Variants in ARHGEF7 observed in about 807,000 individuals in gnomAD.
ARHGEF7 encodes Rho guanine nucleotide exchange factor 7, also known as PAK-interacting exchange factor beta.
A neutral mutation model predicts 109.8 loss-of-function variants in ARHGEF7; 33 were observed. That is an observed-to-expected ratio of 0.30 (90% CI 0.23 to 0.40). ARHGEF7 has a LOEUF of 0.40. ARHGEF7 is among the 10% of genes least tolerant of loss of function. ARHGEF7 has a pLI of 1.00. For synonymous variants in ARHGEF7, 458 were observed against 424.6 expected (o/e 1.08, Z -0.97); for missense variants, 938 against 1,098.5 (o/e 0.85, Z 2.07).
chr13:111,177,027 G>T (rs1324294319), intron 2 of ARHGEF7, among the ~76,000 whole-genome samples: 2 of 152,238 alleles, frequency 1.3e-5, no homozygotes, highest in African/African-American at 4.8e-5. Context: ...AGAGTGCTGG[G>T]ATTACAGGCG....
intron 8 of ARHGEF7, among the ~76,000 whole-genome samples, chr13:111,248,101 T>A (rs994590933): frequency 2.6e-5 from 4 of 152,208 alleles, no homozygotes; most frequent in African/African-American, 9.6e-5. Flanking sequence ...ACAAACATGA[T>A]CTTGGATTTT....
At chr13:111,176,102 G>A (rs1308931631) in intron 2 of ARHGEF7, among the ~76,000 whole-genome samples, 1 of 152,138 alleles carries the variant, frequency 6.6e-6, no homozygotes, top group Non-Finnish European at 1.5e-5. Context: ...GAGTTGGTTG[G>A]GGACACAGCC....
chr13:111,211,971 AG>A (rs1164158131), intron 4 of ARHGEF7, among the ~76,000 whole-genome samples: 1 of 152,160 alleles, frequency 6.6e-6, no homozygotes, highest in Admixed American at 6.5e-5. Context: ...CCCCCAGGCG[AG>A]GATCTGTGTT....
At chr13:111,217,601 TA>T in intron 4 of ARHGEF7, 77 bp from the exon 5 acceptor site, 1 of 1,320,510 alleles carries the variant, frequency 7.6e-7, no homozygotes, top group Non-Finnish European at 1.1e-6. Context: ...ACCTTTGTAC[TA>T]GTAAAGTATA....
At chr13:111,160,107 C>T (rs1474718560) in intron 2 of ARHGEF7, among the ~76,000 whole-genome samples, 2 of 152,196 alleles carry the variant, frequency 1.3e-5, no homozygotes, top group Non-Finnish European at 2.9e-5. Context: ...ATGTTGAAGA[C>T]TGTCCTTTTC....
At chr13:111,202,508 CTTCCT>C (rs1326249042) in intron 2 of ARHGEF7, among the ~76,000 whole-genome samples, 2 of 152,192 alleles carry the variant, frequency 1.3e-5, no homozygotes, top group Non-Finnish European at 2.9e-5. Flanking sequence ...ATGGTTTGTA[CTTCCT>C]TCCCTCCTGC....
At chr13:111,244,399 T>G in intron 8 of ARHGEF7, 105 bp downstream of exon 8, 1 of 691,818 alleles carries the variant, frequency 1.4e-6, no homozygotes, top group East Asian at 2.9e-5. Flanking sequence ...AGATGCAAAC[T>G]TAAGTTATTT....
intron 2 of ARHGEF7, among the ~76,000 whole-genome samples, chr13:111,157,295 T>A (rs1420139739): frequency 6.6e-6 from 1 of 152,100 alleles, no homozygotes; most frequent in African/African-American, 2.4e-5. Context: ...TTAAATTTTT[T>A]TTTTTTTTCC....
At chr13:111,157,582 A>G (rs570068711) in intron 2 of ARHGEF7, among the ~76,000 whole-genome samples, 1 of 152,116 alleles carries the variant, frequency 6.6e-6, no homozygotes, top group Non-Finnish European at 1.5e-5. Flanking sequence ...AAGAAAAAAA[A>G]AATGATGATG....
intron 5 of ARHGEF7, among the ~76,000 whole-genome samples, chr13:111,226,637 A>G (rs1856903763): frequency 1.3e-5 from 2 of 152,224 alleles, no homozygotes; most frequent in Admixed American, 6.5e-5. Flanking sequence ...GCTTATTGAC[A>G]GTGTACCTAA....
chr13:111,195,330 C>T (rs1165325852), intron 2 of ARHGEF7, among the ~76,000 whole-genome samples: 1 of 152,144 alleles, frequency 6.6e-6, no homozygotes, highest in African/African-American at 2.4e-5. Context: ...CTAATATATC[C>T]CTCCCTAATA....
chr13:111,268,607 T>A (rs1365525923), intron 9 of ARHGEF7, among the ~76,000 whole-genome samples: 2 of 152,332 alleles, frequency 1.3e-5, no homozygotes, highest in East Asian at 3.9e-4. Flanking sequence ...GGTGTGGCGC[T>A]GCGTGGGTGT....
intron 5 of ARHGEF7, among the ~76,000 whole-genome samples, chr13:111,224,110 C>A (rs1458308691): frequency 6.6e-6 from 1 of 152,264 alleles, no homozygotes; most frequent in African/African-American, 2.4e-5. Context: ...CCGCCTCAGC[C>A]TCCCAAAGTG....
intron 8 of ARHGEF7, among the ~76,000 whole-genome samples, chr13:111,265,084 A>C (rs1013491278): frequency 1.4e-5 from 2 of 141,178 alleles, no homozygotes; most frequent in Admixed American, 7.6e-5. Flanking sequence ...AGATGGTGCC[A>C]TTACACTCCA....
chr13:111,224,476 C>A lies in ARHGEF7; in HGVS notation c.670+6596C>A, dbSNP rs535270880. 2.6e-5 allele frequency among the ~76,000 whole-genome samples: 4 copies of A among 152,326 alleles called. No homozygotes were observed. The East Asian group carries it at 7.7e-4, about 29-fold the overall frequency. On this transcript the variant is annotated intron_variant, in intron 5 of 21. Coordinates refer to ENST00000646102, the MANE Select transcript of ARHGEF7 (RefSeq NM_001354046.2). ...TTATTTCTAATGTGCTGACTTTAGT[C>A]ATTCTCCTATTTCTGGACAGCTTAT...
chr13:111,223,341 C>A (rs930644996), intron 5 of ARHGEF7, among the ~76,000 whole-genome samples: 1 of 152,184 alleles, frequency 6.6e-6, no homozygotes, highest in African/African-American at 2.4e-5. Flanking sequence ...ACTTCTCTGA[C>A]CATCATGTTA....
intron 12 of ARHGEF7, among the ~76,000 whole-genome samples, chr13:111,276,219 A>G (rs184679985): frequency 1.3e-5 from 2 of 152,316 alleles, no homozygotes; most frequent in East Asian, 3.9e-4. Flanking sequence ...CATGATTCAC[A>G]TTGACATACA....
intron 6 of ARHGEF7, among the ~76,000 whole-genome samples, chr13:111,238,931 G>A (rs1438329927): frequency 3.3e-5 from 5 of 152,264 alleles, no homozygotes; most frequent in African/African-American, 1.2e-4. Context: ...AAGAAAAGAG[G>A]TTTAATTGAC....
At chr13:111,230,612 G>C (rs568132224) in intron 5 of ARHGEF7, among the ~76,000 whole-genome samples, 4 of 152,264 alleles carry the variant, frequency 2.6e-5, no homozygotes, top group African/African-American at 9.6e-5. Flanking sequence ...GCAGCCAGGG[G>C]CTTCCTGTCT....
Sources: gnomAD v4.1 joint callset for allele counts (sites outside exome capture counted in the v4.1 genomes callset) on GRCh38, gnomAD v4.1.1 for gene constraint, MANE v1.5 for transcripts, NCBI Gene and HGNC (gene_info 2026-07-23, HGNC 2026-07-21) for gene names.